NELL1: variants seen among roughly 807,000 people sequenced by gnomAD.
The protein encoded by NELL1 is neural EGFL like 1, also known as protein kinase C-binding protein NELL1.
In NELL1, 76 loss-of-function variants were observed where a neutral mutation model predicts 107.4. The ratio of observed to expected loss-of-function variants is 0.71; its 90% CI spans 0.59 to 0.86. NELL1 has a LOEUF of 0.86. NELL1 is among the 40% of genes least tolerant of loss of function. NELL1 has a pLI of 0.00. For missense variants in NELL1, 1,024 were observed against 1,005.5 expected (o/e 1.02, Z -0.25); for synonymous variants, 353 against 341.2 (o/e 1.03, Z -0.38).
chr11:21,040,834 G>C (rs1009567727), intron 12 of NELL1, among the ~76,000 whole-genome samples: 1 of 152,098 alleles, frequency 6.6e-6, no homozygotes, highest in African/African-American at 2.4e-5. Flanking sequence ...CATCCTGTTT[G>C]TAGCATGAAT....
intron 12 of NELL1, among the ~76,000 whole-genome samples, chr11:20,976,570 A>T (rs1485728134): frequency 1.3e-5 from 2 of 152,204 alleles, no homozygotes; most frequent in Admixed American, 1.3e-4. Flanking sequence ...TATGTTTAGA[A>T]CATTTTACAT....
chr11:20,770,171 T>C (rs1167391446), intron 2 of NELL1, among the ~76,000 whole-genome samples: 1 of 152,202 alleles, frequency 6.6e-6, no homozygotes, highest in Non-Finnish European at 1.5e-5. Context: ...CCCTCAGTTA[T>C]GGCTCTCATT....
intron 2 of NELL1, among the ~76,000 whole-genome samples, chr11:20,715,094 A>T (rs1057197852): frequency 6.6e-6 from 1 of 151,996 alleles, no homozygotes; most frequent in Non-Finnish European, 1.5e-5. Flanking sequence ...ATAAAAAAAA[A>T]ATTAGCTGGG....
chr11:20,820,207 G>T (rs1463727262), intron 3 of NELL1, among the ~76,000 whole-genome samples: 2 of 152,122 alleles, frequency 1.3e-5, no homozygotes, highest in African/African-American at 4.8e-5. Flanking sequence ...TTGAAAGCCT[G>T]ACATAAGGTA....
At chr11:21,363,429 C>T (rs541989651) in intron 14 of NELL1, among the ~76,000 whole-genome samples, 3 of 152,304 alleles carry the variant, frequency 2.0e-5, no homozygotes, top group South Asian at 4.1e-4. Context: ...CCCCCTTTCA[C>T]ATTTTGGGCA....
At chr11:21,025,714 C>T (rs1246393105) in intron 12 of NELL1, among the ~76,000 whole-genome samples, 2 of 152,010 alleles carry the variant, frequency 1.3e-5, no homozygotes, top group African/African-American at 4.8e-5. Flanking sequence ...AGAAGTGATG[C>T]CCATGTTTAC....
intron 12 of NELL1, among the ~76,000 whole-genome samples, chr11:21,053,951 G>T (rs1853557163): frequency 6.6e-6 from 1 of 152,002 alleles, no homozygotes; most frequent in Admixed American, 6.6e-5. Flanking sequence ...AAAGAACTTA[G>T]TTTTTTTCCC....
chr11:20,687,817 T>C (rs142319975), intron 2 of NELL1, among the ~76,000 whole-genome samples: 2,031 of 152,196 alleles, frequency 0.013, 49 homozygotes, highest in African/African-American at 0.046. Context: ...GGTCTCGAAC[T>C]CCTGACCTCA....
At chr11:20,733,236 A>G (rs1192865649) in intron 2 of NELL1, among the ~76,000 whole-genome samples, 1 of 152,198 alleles carries the variant, frequency 6.6e-6, no homozygotes, top group Non-Finnish European at 1.5e-5. Flanking sequence ...ACAGAAGAGC[A>G]CTGTATCTTC....
At chr11:20,756,575 A>G (rs1856295324) in intron 2 of NELL1, among the ~76,000 whole-genome samples, 1 of 120,048 alleles carries the variant, frequency 8.3e-6, no homozygotes, top group South Asian at 2.6e-4. Flanking sequence ...GCTAGCCAGG[A>G]TGGTCTGGAT....
Position 21,248,349 on chromosome 11 carries a change from AAAAAG to A in NELL1, c.1549+18914_1549+18918del, listed in dbSNP as rs368213568. Among the ~76,000 whole-genome samples the A allele has an allele frequency of 7.2e-4, 109 of 151,622 alleles. No homozygotes were observed. The East Asian group carries it at 0.013, about 18-fold the overall frequency. ...TGACAGTGAGAGCCTGTCAAAAAAA[AAAAAG>A]AAAAGAAAAGAAAAGAAACAACATA... On this transcript the variant is annotated intron_variant, in intron 14 of 19. Transcript: ENST00000357134.
At chr11:21,490,912 G>A (rs572595368) in intron 15 of NELL1, among the ~76,000 whole-genome samples, 16 of 152,106 alleles carry the variant, frequency 1.1e-4, no homozygotes, top group African/African-American at 2.4e-4. Context: ...GGCTAAGACC[G>A]CAACAGCACA....
At chr11:20,762,703 A>C (rs985718100) in intron 2 of NELL1, among the ~76,000 whole-genome samples, 2 of 152,174 alleles carry the variant, frequency 1.3e-5, no homozygotes, top group African/African-American at 4.8e-5. Flanking sequence ...ACATAAATAG[A>C]AACGTTGACA....
chr11:21,277,590 A>G (rs903218635), intron 14 of NELL1, among the ~76,000 whole-genome samples: 1 of 152,232 alleles, frequency 6.6e-6, no homozygotes, highest in African/African-American at 2.4e-5. Context: ...CTATAAAGAC[A>G]CATGCACATG....
At chr11:21,326,082 GGGC>G (rs1565169224) in intron 14 of NELL1, among the ~76,000 whole-genome samples, 278 of 40,926 alleles carry the variant, frequency 6.8e-3, no homozygotes, top group Non-Finnish European at 7.6e-3. Context: ...TTTTTTTTTT[GGGC>G]TATTTTGAGT....
intron 14 of NELL1, among the ~76,000 whole-genome samples, chr11:21,336,032 C>T (rs1023841907): frequency 6.6e-6 from 1 of 152,046 alleles, no homozygotes; most frequent in Non-Finnish European, 1.5e-5. Context: ...TTAAGGTACA[C>T]TATTCAATAC....
chr11:21,286,431 GTTCTT>G (rs1849115399), intron 14 of NELL1, among the ~76,000 whole-genome samples: 1 of 152,196 alleles, frequency 6.6e-6, no homozygotes, highest in African/African-American at 2.4e-5. Context: ...CCAAAGGCAT[GTTCTT>G]TTCAAGTGGA....
chr11:21,265,392 CT>C (rs1325389459), intron 14 of NELL1, among the ~76,000 whole-genome samples: 1 of 151,958 alleles, frequency 6.6e-6, no homozygotes, highest in African/African-American at 2.4e-5. Context: ...TGTGTATTCT[CT>C]TTTGGAAAAC....
At chr11:21,370,375 C>T (rs962330643) in intron 14 of NELL1, among the ~76,000 whole-genome samples, 4 of 151,968 alleles carry the variant, frequency 2.6e-5, no homozygotes, top group African/African-American at 7.3e-5. Flanking sequence ...TGATTAGTTA[C>T]ATTTATATTA....
Sources: gnomAD v4.1 joint callset for allele counts (sites outside exome capture counted in the v4.1 genomes callset) on GRCh38, gnomAD v4.1.1 for gene constraint, MANE v1.5 for transcripts, NCBI Gene and HGNC (gene_info 2026-07-23, HGNC 2026-07-21) for gene names.